The following C10orf67 variants were observed in gnomAD, a reference collection of about 807,000 sequenced individuals.
C10orf67 encodes the protein uncharacterized protein C10orf67, mitochondrial.
A neutral mutation model predicts 35.6 loss-of-function variants in C10orf67; 60 were observed. The observed-to-expected ratio is 1.68, with a 90% CI of 1.37 to 2.09. The LOEUF is 2.09. C10orf67 is among the 30% of genes most tolerant of loss of function. The probability of loss-of-function intolerance (pLI) is 0.00; values close to 1 mark genes in which losing one functional copy is unlikely to be tolerated. For synonymous variants in C10orf67, 167 were observed against 115.8 expected (o/e 1.44, Z -2.84); for missense variants, 474 against 330.2 (o/e 1.44, Z -3.38).
rs552049870 is a variant in C10orf67, at chr10:23,207,904, A to G, written c.1571-3649T>C. ...ACAAAAACCCACCTCTGTGTAGAAC[A>G]TAACAAATTATGCAATGTTCACAGA... On this transcript the variant is annotated intron_variant, in intron 15 of 15. Transcript: ENST00000636213. Among the ~76,000 whole-genome samples the G allele has an allele frequency of 3.3e-5, 5 of 152,268 alleles. No individual in the cohort carries two copies. In the South Asian group the frequency reaches 8.3e-4, roughly 25 times the overall value.
At chr10:23,323,894 A>AATATATATATATATATAT (rs137983793) in intron 2 of C10orf67, among the ~76,000 whole-genome samples, 2 of 42,816 alleles carry the variant, frequency 4.7e-5, no homozygotes, top group Non-Finnish European at 1.2e-4. Flanking sequence ...ACTCCGTCTA[A>AATATATATATATATATAT]ATATATATAT....
At chr10:23,210,209 T>G (rs1841267986) in intron 15 of C10orf67, among the ~76,000 whole-genome samples, 1 of 151,908 alleles carries the variant, frequency 6.6e-6, no homozygotes, top group Admixed American at 6.6e-5. Flanking sequence ...GGTTCTGATT[T>G]CCCTCAAGCA....
chr10:23,316,246 T>C (rs1342809339), intron 4 of C10orf67, among the ~76,000 whole-genome samples: 2 of 152,178 alleles, frequency 1.3e-5, no homozygotes, highest in Non-Finnish European at 2.9e-5. Flanking sequence ...CACCAGGTGC[T>C]GACAAAGGTG....
At chr10:23,273,815 AC>A (rs1843099151) in intron 8 of C10orf67, among the ~76,000 whole-genome samples, 1 of 152,236 alleles carries the variant, frequency 6.6e-6, no homozygotes, top group Non-Finnish European at 1.5e-5. Flanking sequence ...GAGGCAAACT[AC>A]CACACACAGT....
intron 8 of C10orf67, among the ~76,000 whole-genome samples, chr10:23,279,818 A>G (rs1843314185): frequency 1.3e-5 from 2 of 150,956 alleles, no homozygotes; most frequent in African/African-American, 2.4e-5. Context: ...AAATATGTGT[A>G]TAAGTTGTAT....
At chr10:23,227,668 T>C (rs112366613) in intron 13 of C10orf67, among the ~76,000 whole-genome samples, 29,169 of 152,156 alleles carry the variant, frequency 0.19, 3,061 homozygotes, top group Admixed American at 0.29. Flanking sequence ...GCAGATGACA[T>C]GATTGTATAT....
rs1315657906 is a variant in C10orf67 at position 23,338,143 on chromosome 10, GC to G, written c.207-4962del. On this transcript the variant is annotated intron_variant, in intron 1 of 15. Coordinates refer to ENST00000636213, the MANE Select transcript of C10orf67 (RefSeq NM_001371909.1). Reference sequence around the variant, plus strand: ...AAAGGTGTTTGTGCGGCATCTGAATGCCCACCCAAGGGAATCCCCTACAGAG... The same window carrying G: ...AAAGGTGTTTGTGCGGCATCTGAATGCCACCCAAGGGAATCCCCTACAGAG... 4.6e-5 allele frequency among the ~76,000 whole-genome samples: 7 copies of G among 152,294 alleles called. No homozygotes were observed. The East Asian group carries it at 1.4e-3, about 29-fold the overall frequency.
At chr10:23,262,313 C>G (rs1345947577) in intron 10 of C10orf67, among the ~76,000 whole-genome samples, 1 of 140,344 alleles carries the variant, frequency 7.1e-6, no homozygotes, top group Non-Finnish European at 1.5e-5. Context: ...AAATCCACAG[C>G]TGAAGCCCCA....
chr10:23,309,884 AG>A (rs1156532336), intron 4 of C10orf67, among the ~76,000 whole-genome samples: 1 of 152,244 alleles, frequency 6.6e-6, no homozygotes, highest in African/African-American at 2.4e-5. Flanking sequence ...TTCCTCTTTC[AG>A]TCGGTCCTCA....
chr10:23,252,816 G>T (rs531651992), intron 10 of C10orf67, among the ~76,000 whole-genome samples: 3 of 152,208 alleles, frequency 2.0e-5, no homozygotes, highest in Admixed American at 6.5e-5. Context: ...CTGTTTAAAT[G>T]AACACATGTA....
intron 15 of C10orf67, among the ~76,000 whole-genome samples, chr10:23,212,674 T>C (rs947008850): frequency 3.9e-5 from 6 of 151,976 alleles, no homozygotes; most frequent in Non-Finnish European, 8.8e-5. Flanking sequence ...ACCCTTCATG[T>C]CACAGCAAAG....
intron 10 of C10orf67, among the ~76,000 whole-genome samples, chr10:23,252,580 G>C (rs113123052): frequency 1.3e-3 from 202 of 152,276 alleles, no homozygotes; most frequent in African/African-American, 4.7e-3. Flanking sequence ...GCAGACTTGA[G>C]AGAAATTACA....
chr10:23,206,437 C>T (rs181720407), intron 15 of C10orf67, among the ~76,000 whole-genome samples: 2 of 152,160 alleles, frequency 1.3e-5, no homozygotes, highest in Admixed American at 6.5e-5. Flanking sequence ...TATATATGCA[C>T]ATGTATATAT....
intron 10 of C10orf67, among the ~76,000 whole-genome samples, chr10:23,256,733 G>A (rs1231917221): frequency 6.6e-6 from 1 of 152,030 alleles, no homozygotes; most frequent in African/African-American, 2.4e-5. Flanking sequence ...AAAATTGAGG[G>A]CAGAGCAATT....
intron 12 of C10orf67, among the ~76,000 whole-genome samples, chr10:23,243,309 G>A (rs1234448069): frequency 1.3e-5 from 2 of 152,112 alleles, no homozygotes. Flanking sequence ...AAATTAATAA[G>A]TATGTAAAAG....
rs146438484 is a variant in C10orf67, at chr10:23,299,965, G to A, written c.702+3339C>T. 8.9e-3 allele frequency among the ~76,000 whole-genome samples: 1,305 copies of A among 147,428 alleles called. 14 individuals are homozygous for A. The highest frequency in any genetic ancestry group is 0.013 in the Non-Finnish European group (872 of 66,798). ...TGCACTCCAGCCTGGGTGACAGAGC[G>A]AGACTCTGTCTCAAAAAAAAAAAAA... On this transcript the variant is annotated intron_variant, in intron 5 of 15. Transcript: ENST00000636213.
chr10:23,221,020 T>C (rs1168041610), intron 15 of C10orf67, among the ~76,000 whole-genome samples: 3 of 152,314 alleles, frequency 2.0e-5, no homozygotes, highest in Non-Finnish European at 2.9e-5. Context: ...AAATAGGTTA[T>C]AGTAACCCCT....
chr10:23,332,630 GC>G (rs1474652738), intron 2 of C10orf67, among the ~76,000 whole-genome samples: 1 of 150,304 alleles, frequency 6.7e-6, no homozygotes, highest in Non-Finnish European at 1.5e-5. Context: ...GCTACAGTGA[GC>G]TATGATCACA....
chr10:23,296,459 C>T (rs567301395), intron 5 of C10orf67, among the ~76,000 whole-genome samples: 12 of 152,254 alleles, frequency 7.9e-5, no homozygotes, highest in African/African-American at 2.9e-4. Flanking sequence ...AAGGTGGAAG[C>T]GGTCACCTTC....
Sources: gnomAD v4.1 joint callset for allele counts (sites outside exome capture counted in the v4.1 genomes callset) on GRCh38, gnomAD v4.1.1 for gene constraint, MANE v1.5 for transcripts, NCBI Gene and HGNC (gene_info 2026-07-23, HGNC 2026-07-21) for gene names.